The following WDFY4 variants were observed in gnomAD, a reference collection of about 807,000 sequenced individuals.
WDFY4 encodes the protein WD repeat- and FYVE domain-containing protein 4.
A neutral mutation model predicts 351.9 loss-of-function variants in WDFY4; 169 were observed. That is an observed-to-expected ratio of 0.48 (90% confidence interval 0.42 to 0.55). WDFY4 has a LOEUF of 0.55. Among genes scored for constraint, WDFY4 ranks in the 20% least tolerant of loss-of-function variants. The pLI is 0.00. For synonymous variants in WDFY4, 1,622 were observed against 1,574.6 expected (o/e 1.03, Z -0.71); for missense variants, 3,803 against 3,935.6 (o/e 0.97, Z 0.90).
chr10:48,721,154 T>C, intron 3 of WDFY4, 107 bp from the exon 4 acceptor site: 1 of 1,072,984 alleles, frequency 9.3e-7, no homozygotes, highest in African/African-American at 1.6e-5. Context: ...GATGCCAAAG[T>C]CCTCTACAGA....
At chr10:48,961,985 G>A (rs994575927) in intron 53 of WDFY4, among the ~76,000 whole-genome samples, 20 of 152,286 alleles carry the variant, frequency 1.3e-4, no homozygotes. Context: ...GTGGTCTTAG[G>A]GAAAGCCAGG....
chr10:48,748,854 T>C (rs780411662), intron 12 of WDFY4, among the ~76,000 whole-genome samples: 1 of 152,206 alleles, frequency 6.6e-6, no homozygotes, highest in Non-Finnish European at 1.5e-5. Context: ...TTGTATGTCC[T>C]TGGGCAAGTG....
chr10:48,747,063 G>C (rs1441152054), intron 12 of WDFY4, among the ~76,000 whole-genome samples: 3 of 152,066 alleles, frequency 2.0e-5, no homozygotes, highest in African/African-American at 7.2e-5. Flanking sequence ...GGGTCTATTT[G>C]TGGTAAACTC....
Position 48,777,623 on chromosome 10 carries a change from C to T in WDFY4, c.3175+128C>T, listed in dbSNP as rs1429400131. ...GAGCTGTGCTGGGCATGGTGGCTCA[C>T]ACCTGTAATACTGCAATTTGGGAGG... On this transcript the variant is annotated intron_variant, in intron 17 of 61. Transcript: ENST00000325239. 4.3e-6 allele frequency: 4 copies of T among 929,196 alleles called. No individual in the cohort carries two copies. In the East Asian group the frequency reaches 8.1e-5, roughly 19 times the overall value. The allele number at this position is 929,196 out of a possible 1,614,324, so 57.6% of individuals were successfully genotyped here. A position where few individuals can be genotyped will look rare whatever the true frequency, so the allele number is the denominator to read the frequency against.
chr10:48,822,272 G>T (rs1412446722), intron 34 of WDFY4, 108 bp from the exon 35 acceptor site: 5 of 1,229,326 alleles, frequency 4.1e-6, no homozygotes, highest in African/African-American at 1.5e-5. Context: ...GAACCATGGG[G>T]TACACAGAGG....
intron 5 of WDFY4, 56 bp from the exon 6 acceptor site, chr10:48,725,825 G>T: frequency 6.8e-7 from 1 of 1,477,390 alleles, no homozygotes; most frequent in Non-Finnish European, 9.1e-7. Flanking sequence ...AAATCCATCT[G>T]AGGAAGGAGA....
chr10:48,898,023 T>A (rs1837174667), intron 45 of WDFY4, among the ~76,000 whole-genome samples: 1 of 152,120 alleles, frequency 6.6e-6, no homozygotes, highest in African/African-American at 2.4e-5. Flanking sequence ...GGTGCTCGCC[T>A]ATTGCCAAGC....
chr10:48,854,049 A>C (rs1468827384), intron 39 of WDFY4, among the ~76,000 whole-genome samples: 1 of 152,190 alleles, frequency 6.6e-6, no homozygotes, highest in Non-Finnish European at 1.5e-5. Context: ...GAAGATGTTT[A>C]TAACCAAACT....
intron 2 of WDFY4, among the ~76,000 whole-genome samples, chr10:48,713,723 G>C (rs2063825940): frequency 1.3e-5 from 2 of 152,242 alleles, no homozygotes; most frequent in African/African-American, 4.8e-5. Context: ...TTAGGTCAAA[G>C]AGTTCTTAGC....
At chr10:48,859,341 G>A (rs1270788659) in intron 39 of WDFY4, among the ~76,000 whole-genome samples, 7 of 152,154 alleles carry the variant, frequency 4.6e-5, no homozygotes, top group Non-Finnish European at 7.4e-5. Flanking sequence ...TAAATAAGAT[G>A]TTAGCTGTAG....
intron 23 of WDFY4, among the ~76,000 whole-genome samples, chr10:48,795,512 TATATATATATACATATATATATACAC>T (rs900477184): frequency 6.0e-5 from 6 of 100,370 alleles, no homozygotes; most frequent in Non-Finnish European, 9.4e-5. Context: ...TATATATATA[TATATATATATACATATATATATACAC>T]ACACATGAAT....
chr10:48,800,611 C>T (rs1404318131), intron 24 of WDFY4, among the ~76,000 whole-genome samples: 1 of 151,892 alleles, frequency 6.6e-6, no homozygotes, highest in Non-Finnish European at 1.5e-5. Flanking sequence ...CAGGGTTGGA[C>T]AGAAAGTTGA....
At chr10:48,686,117 T>C (rs1426612590) in intron 1 of WDFY4, among the ~76,000 whole-genome samples, 1 of 152,052 alleles carries the variant, frequency 6.6e-6, no homozygotes, top group African/African-American at 2.4e-5. Context: ...GGGAGGCCCT[T>C]CCTGTCTGTC....
intron 12 of WDFY4, among the ~76,000 whole-genome samples, chr10:48,750,148 G>A (rs1340517489): frequency 6.6e-6 from 1 of 152,232 alleles, no homozygotes; most frequent in Non-Finnish European, 1.5e-5. Flanking sequence ...GTGGGTATGA[G>A]TTATATCTGT....
intron 53 of WDFY4, among the ~76,000 whole-genome samples, chr10:48,960,565 G>A (rs1841812267): frequency 2.0e-5 from 3 of 152,152 alleles, no homozygotes; most frequent in Admixed American, 1.3e-4. Context: ...ATTTTCCCTT[G>A]TAGATATTTA....
intron 39 of WDFY4, among the ~76,000 whole-genome samples, chr10:48,838,391 G>A (rs2133105953): frequency 6.6e-6 from 1 of 152,284 alleles, no homozygotes; most frequent in Non-Finnish European, 1.5e-5. Flanking sequence ...CCAGGTGCCA[G>A]ACCTGCCGTC....
At chr10:48,897,234 C>T (rs535126119) in intron 44 of WDFY4, among the ~76,000 whole-genome samples, 81 of 152,182 alleles carry the variant, frequency 5.3e-4, no homozygotes, top group Non-Finnish European at 5.4e-4. Flanking sequence ...GCAGCTTTCA[C>T]GTGTCAGCGG....
intron 9 of WDFY4, among the ~76,000 whole-genome samples, chr10:48,733,168 C>A (rs2064526000): frequency 1.3e-5 from 2 of 152,136 alleles, no homozygotes; most frequent in African/African-American, 4.8e-5. Context: ...AATTCCAGAC[C>A]CATGACCACT....
rs557469159 is a variant in WDFY4 at position 48,845,458 on chromosome 10, G to C, written c.6663+12749G>C. 2.3e-4 allele frequency among the ~76,000 whole-genome samples: 35 copies of C among 150,768 alleles called. 1 individual carries two copies. Among genetic ancestry groups the C allele is most frequent in the Non-Finnish European group, 3.8e-4 (26 of 68,010 alleles). ...TCTAGGCTGGTGAAATAATTATGCT[G>C]TAAAAAGAGGTGCCCAGAAGAGAGA... On this transcript the variant is annotated intron_variant, in intron 39 of 61. Transcript: ENST00000325239.
Sources: gnomAD v4.1 joint callset for allele counts (sites outside exome capture counted in the v4.1 genomes callset) on GRCh38, gnomAD v4.1.1 for gene constraint, MANE v1.5 for transcripts, NCBI Gene and HGNC (gene_info 2026-07-23, HGNC 2026-07-21) for gene names.